The following TGIF2 variants were observed in gnomAD, a reference collection of about 807,000 sequenced individuals.
TGIF2 encodes the protein homeobox protein TGIF2.
In TGIF2, 5 loss-of-function variants were observed where a neutral mutation model predicts 15.1. The observed-to-expected ratio is 0.33, with a 90% CI of 0.17 to 0.70. The LOEUF (loss-of-function observed/expected upper bound fraction) is 0.70, where lower values mean the gene tolerates loss of function less well. TGIF2 is among the 30% of genes least tolerant of loss of function. The pLI is 0.67. For missense variants in TGIF2, 264 were observed against 302.5 expected, an observed-to-expected ratio of 0.87 and a Z score of 0.94; for synonymous variants, 131 against 128.9, an observed-to-expected ratio of 1.02 and a Z score of -0.11.
chr20:36,573,541 C>T (rs1315924636), upstream of TGIF2: 2 of 140,232 alleles, frequency 1.4e-5, no homozygotes, highest in African/African-American at 5.1e-5. Flanking sequence ...TTTCTCCCTC[C>T]GGGCGGGTGG....
rs902061047 is a variant in TGIF2 at position 36,592,015 on chromosome 20, T to A, written c.*584T>A. On this transcript the variant is annotated 3_prime_UTR_variant, in exon 3 of 3. Transcript: ENST00000373872. The stretch of plus-strand genomic sequence containing the variant: ...ACGAGAGTGCACTGCATGATAGCGT[T>A]CTGGTGAGCTGGGAAGGACCCACCA... 2.0e-5 allele frequency: 3 copies of A among 152,770 alleles called. No individual in the cohort carries two copies. Among genetic ancestry groups the A allele is most frequent in the Non-Finnish European group, 4.4e-5 (3 of 68,150 alleles). 9.5% of individuals were successfully genotyped at this position (152,770 alleles called of 1,614,324 possible).
At chr20:36,582,908 C>T (rs539469540) in intron 2 of TGIF2, among the ~76,000 whole-genome samples, 1 of 152,268 alleles carries the variant, frequency 6.6e-6, no homozygotes, top group African/African-American at 2.4e-5. Context: ...TTAAATATTT[C>T]AGGGTTTTGG....
chr20:36,578,679 G>A, intron 1 of TGIF2, 62 bp from the exon 2 acceptor site: 1 of 1,482,666 alleles, frequency 6.7e-7, no homozygotes, highest in South Asian at 1.4e-5. Context: ...GAGCATGTTT[G>A]GAGACTAGGA....
chr20:36,585,230 T>G (rs1292353173), intron 2 of TGIF2, among the ~76,000 whole-genome samples: 3 of 150,178 alleles, frequency 2.0e-5, no homozygotes, highest in African/African-American at 7.4e-5. Context: ...AGGCACAGTG[T>G]CTCACGCCTG....
intron 2 of TGIF2, among the ~76,000 whole-genome samples, chr20:36,589,780 C>G (rs577273949): frequency 9.0e-4 from 137 of 152,304 alleles, no homozygotes; most frequent in Middle Eastern, 6.8e-3. Flanking sequence ...CCTCAAACTC[C>G]TGGGCTCAAT....
intron 2 of TGIF2, among the ~76,000 whole-genome samples, chr20:36,585,551 T>C (rs1182154352): frequency 6.6e-6 from 1 of 150,962 alleles, no homozygotes; most frequent in African/African-American, 2.4e-5. Flanking sequence ...CTTGAACAAG[T>C]ATCAACATTT....
chr20:36,576,255 TCCAAGTTACAGTG>T (rs1174517912), intron 1 of TGIF2, among the ~76,000 whole-genome samples: 1 of 152,174 alleles, frequency 6.6e-6, no homozygotes, highest in East Asian at 1.9e-4. Context: ...AGGATCCTTG[TCCAAGTTACAGTG>T]CCAAGTGGAG....
At chr20:36,579,325 C>T (rs1006670818) in intron 2 of TGIF2, among the ~76,000 whole-genome samples, 2 of 152,112 alleles carry the variant, frequency 1.3e-5, no homozygotes, top group African/African-American at 4.8e-5. Flanking sequence ...GCGCCCGCCA[C>T]CACGCCCAGC....
At position 36,591,005 on chromosome 20, in the gene TGIF2, C is replaced by A; in HGVS notation, c.288C>A (p.Arg96=). 6.3e-7 allele frequency: 1 copy of A among 1,592,542 alleles called. No individual in the cohort carries two copies. The highest frequency in any genetic ancestry group is 8.6e-7 in the Non-Finnish European group (1 of 1,164,270). Residue 96 remains arginine (R), a synonymous_variant, in exon 3 of 3, where the codon CGC becomes CGA. Transcript: ENST00000373872. This position sits in a 1 kb window ranked among gnomAD's most constrained non-coding sequence, Gnocchi z 5.3. The stretch of plus-strand genomic sequence containing the variant: ...CTAATCAGTTTACCATTTCCCGCCG[C>A]GGGGGTAAGGCCTCAGATGTGGCCC... The part of the protein sequence containing the change: ...KDPNQFTISR[R]GGKASDVALP...
chr20:36,585,266 A>G lies in TGIF2; in HGVS notation c.193-5644A>G, dbSNP rs533939479. Among the ~76,000 whole-genome samples, 3 of 152,158 alleles carry G rather than the reference A, an allele frequency of 2.0e-5. No homozygotes were observed. The East Asian group carries it at 5.8e-4, about 29-fold the overall frequency. On this transcript the variant is annotated intron_variant, in intron 2 of 2. Transcript: ENST00000373872. ...TAATCCCAACACTTTGGGAGGCTGA[A>G]GCGGGTGTATCACTTGAGGCCAGGA...
At chr20:36,584,642 G>T (rs1466675367) in intron 2 of TGIF2, among the ~76,000 whole-genome samples, 2 of 151,846 alleles carry the variant, frequency 1.3e-5, no homozygotes, top group Non-Finnish European at 2.9e-5. Context: ...TGCTGCCCAG[G>T]TTCAAGCAAT....
intron 2 of TGIF2, among the ~76,000 whole-genome samples, chr20:36,582,970 C>T (rs2147929331): frequency 6.6e-6 from 1 of 152,262 alleles, no homozygotes; most frequent in East Asian, 1.9e-4. Context: ...AATCATTTAT[C>T]ACTCCCCAAC....
At chr20:36,583,651 C>T (rs1281415061) in intron 2 of TGIF2, among the ~76,000 whole-genome samples, 4 of 152,118 alleles carry the variant, frequency 2.6e-5, no homozygotes, top group Non-Finnish European at 4.4e-5. Context: ...AATCCCAGCA[C>T]TTTGGGAGGT....
At chr20:36,579,215 G>A (rs776285780) in intron 2 of TGIF2, among the ~76,000 whole-genome samples, 106 of 152,060 alleles carry the variant, frequency 7.0e-4, no homozygotes, top group African/African-American at 2.0e-3. Flanking sequence ...ACTGTCACCC[G>A]GGCTGGAGTG....
intron 1 of TGIF2, among the ~76,000 whole-genome samples, chr20:36,576,065 C>G (rs1393866154): frequency 2.7e-5 from 4 of 150,626 alleles, no homozygotes; most frequent in Middle Eastern, 3.4e-3. Flanking sequence ...GCACTCCAGC[C>G]TAGGCTACAG....
intron 2 of TGIF2, among the ~76,000 whole-genome samples, chr20:36,581,236 C>T (rs976302054): frequency 5.9e-5 from 9 of 152,202 alleles, no homozygotes; most frequent in Non-Finnish European, 1.3e-4. Context: ...GGGTGCCCAG[C>T]AGTGCGTGGC....
intron 1 of TGIF2, among the ~76,000 whole-genome samples, chr20:36,574,203 G>T (rs1165249039): frequency 6.6e-6 from 1 of 151,944 alleles, no homozygotes. Flanking sequence ...GGAGCGGGGG[G>T]GCCCTGGGGA....
chr20:36,591,469 T>C lies in TGIF2; in HGVS notation c.*38T>C. 6.5e-7 allele frequency: 1 copy of C among 1,550,358 alleles called. No individual in the cohort carries two copies. The highest frequency in any genetic ancestry group is 8.7e-7 in the Non-Finnish European group (1 of 1,149,374). ...AAGGGTGCTGAAGGCTCCAGCCAGC[T>C]GTCCTGGGTTTCCGTTTTGGTTCCC... On this transcript the variant is annotated 3_prime_UTR_variant, in exon 3 of 3. Transcript: ENST00000373872. The surrounding 1 kb of genome is among the most constrained non-coding windows in gnomAD (Gnocchi z 5.3).
chr20:36,592,384 G>GA lies in TGIF2; in HGVS notation c.*954dup, dbSNP rs2038783309. The GA allele has an allele frequency of 6.6e-6, 1 of 151,788 alleles. No homozygotes were observed. The highest frequency in any genetic ancestry group is 1.5e-5 in the Non-Finnish European group (1 of 67,996). 9.4% of individuals were successfully genotyped at this position (151,788 alleles called of 1,614,324 possible). On this transcript the variant is annotated 3_prime_UTR_variant, in exon 3 of 3. Coordinates refer to ENST00000373872, the MANE Select transcript of TGIF2 (RefSeq NM_021809.7). ...GGAAGTAAACTAGACTGAAGCGATG[G>GA]ATTTTTTTTTTCTTTTTTTTCTTTA...
Sources: gnomAD v4.1 joint callset for allele counts (sites outside exome capture counted in the v4.1 genomes callset) on GRCh38, gnomAD v4.1.1 for gene constraint, Gnocchi (gnomAD v3.1) non-coding constraint, MANE v1.5 for transcripts, NCBI Gene and HGNC (gene_info 2026-07-23, HGNC 2026-07-21) for gene names.